Variants in ATP6V1C2 observed in about 807,000 individuals in gnomAD.
ATP6V1C2 encodes V-type proton ATPase subunit C 2.
In ATP6V1C2, 45 loss-of-function variants were observed where a neutral mutation model predicts 56.8. The ratio of observed to expected loss-of-function variants is 0.79; its 90% CI spans 0.62 to 1.02. The LOEUF is 1.02. Ranked by LOEUF, ATP6V1C2 falls within the 50% of genes least tolerant of loss-of-function variation. The pLI is 0.00. For missense variants in ATP6V1C2, 463 were observed against 519.7 expected (o/e 0.89, Z 1.06); for synonymous variants, 220 against 201.3 (o/e 1.09, Z -0.79).
intron 3 of ATP6V1C2, among the ~76,000 whole-genome samples, chr2:10,740,355 T>C (rs1263638002): frequency 6.6e-6 from 1 of 152,210 alleles, no homozygotes. Flanking sequence ...CTCCTATTTG[T>C]GTGACTGCGC....
chr2:10,754,183 C>G (rs1442099342), intron 4 of ATP6V1C2, 117 bp downstream of exon 4: 6 of 753,350 alleles, frequency 8.0e-6, no homozygotes, highest in Non-Finnish European at 1.1e-5. Context: ...AGTGGATGCT[C>G]TGGATTGACA....
At chr2:10,782,051 G>A (rs866089752) in intron 12 of ATP6V1C2, among the ~76,000 whole-genome samples, 192 bp from the exon 13 acceptor site, 110 of 152,298 alleles carry the variant, frequency 7.2e-4, no homozygotes, top group African/African-American at 2.6e-3. Context: ...TATCAGAAGG[G>A]GGTTAGCAAA....
chr2:10,738,831 G>A (rs1212123597), intron 3 of ATP6V1C2, among the ~76,000 whole-genome samples: 1 of 152,126 alleles, frequency 6.6e-6, no homozygotes, highest in African/African-American at 2.4e-5. Context: ...GACAGTCTGG[G>A]CACCAGCTCC....
chr2:10,754,552 CT>C (rs1448285108), intron 4 of ATP6V1C2, among the ~76,000 whole-genome samples: 1 of 406 alleles, frequency 2.5e-3, no homozygotes, highest in African/African-American at 5.6e-3. Flanking sequence ...ATTTTCTTTT[CT>C]TTTCTTTTCT....
At chr2:10,782,692 A>G (rs1665444807) in intron 13 of ATP6V1C2, among the ~76,000 whole-genome samples, 1 of 151,918 alleles carries the variant, frequency 6.6e-6, no homozygotes, top group Non-Finnish European at 1.5e-5. Context: ...TTAGCTGGGT[A>G]TGGTGGTGTG....
chr2:10,754,927 G>T (rs1292965110), intron 4 of ATP6V1C2, among the ~76,000 whole-genome samples: 1 of 151,824 alleles, frequency 6.6e-6, no homozygotes, highest in African/African-American at 2.4e-5. Flanking sequence ...GAGTGCAGTG[G>T]TGTGATCATA....
intron 2 of ATP6V1C2, among the ~76,000 whole-genome samples, chr2:10,726,168 G>A (rs1304950072): frequency 6.6e-6 from 1 of 152,170 alleles, no homozygotes; most frequent in Non-Finnish European, 1.5e-5. Flanking sequence ...TTGCTTTCTG[G>A]TGTATCTCTT....
At position 10,785,034 on chromosome 2, in the gene ATP6V1C2, A is replaced by G; in HGVS notation, c.*1771A>G. On this transcript the variant is annotated 3_prime_UTR_variant, in exon 14 of 14. Coordinates refer to ENST00000272238, the MANE Select transcript of ATP6V1C2 (RefSeq NM_001039362.2). The stretch of plus-strand genomic sequence containing the variant: ...GCCACGCCCAAAAGAGAGCTCCCTT[A>G]GGGAAAAATGACCAAAACACACACA... The G allele has an allele frequency of 6.4e-7, 1 of 1,564,826 alleles. No individual in the cohort carries two copies. The highest frequency in any genetic ancestry group is 8.7e-7 in the Non-Finnish European group (1 of 1,152,054).
intron 4 of ATP6V1C2, among the ~76,000 whole-genome samples, chr2:10,759,928 A>G (rs1663799802): frequency 6.6e-6 from 1 of 152,018 alleles, no homozygotes; most frequent in Non-Finnish European, 1.5e-5. Context: ...CAAAAGCCCT[A>G]GTTCCTACCA....
Position 10,764,382 on chromosome 2 carries a change from C to T in ATP6V1C2, c.335C>T (p.Pro112Leu), listed in dbSNP as rs748897849. 4 of 1,614,164 alleles carry T rather than the reference C, an allele frequency of 2.5e-6. No individual in the cohort carries two copies. Among genetic ancestry groups the T allele is most frequent in the South Asian group, 1.1e-5 (1 of 91,088 alleles). ...TTTGAATGGGACATGGCCAAATATC[C>T]TGTCAAGCAGCCGCTCGTGAGTGTG... ...THFEWDMAKY[P>L]VKQPLVSVVD... Residue 112 changes from proline to leucine, a missense_variant, in exon 5 of 14, where the codon CCT becomes CTT. Pro to Leu is a moderately conservative substitution (Grantham distance 98, BLOSUM62 -3). Coordinates refer to ENST00000272238, the MANE Select transcript of ATP6V1C2 (RefSeq NM_001039362.2).
In ATP6V1C2 at chr2:10,763,584, C is replaced by A. The variant is rs181414754; in HGVS notation, c.284-747C>A. Among the ~76,000 whole-genome samples the A allele has an allele frequency of 2.1e-3, 313 of 152,296 alleles. 1 individual carries two copies. The highest frequency in any genetic ancestry group is 6.8e-3 in the Middle Eastern group (2 of 294). On this transcript the variant is annotated intron_variant, in intron 4 of 13. Coordinates refer to ENST00000272238, the MANE Select transcript of ATP6V1C2 (RefSeq NM_001039362.2). The surrounding 1 kb of genome is among the most constrained non-coding windows in gnomAD (Gnocchi z 4.2). Reference sequence around the variant, plus strand: ...CTGGGACATCCGCCATGGGAAGGGCCCTCTGCCAGGGGCACAGGAATTCCA... The same window carrying A: ...CTGGGACATCCGCCATGGGAAGGGCACTCTGCCAGGGGCACAGGAATTCCA...
At chr2:10,783,149 A>G in intron 13 of ATP6V1C2, 25 bp from the exon 14 acceptor site, 1 of 1,571,256 alleles carries the variant, frequency 6.4e-7, no homozygotes, top group Non-Finnish European at 8.8e-7. Context: ...ATGCACTTAG[A>G]GCATTACCAT....
intron 3 of ATP6V1C2, among the ~76,000 whole-genome samples, chr2:10,740,160 T>C (rs886716692): frequency 2.6e-5 from 4 of 151,852 alleles, no homozygotes; most frequent in African/African-American, 9.7e-5. Flanking sequence ...TATAGACATA[T>C]TGAAAGCTGT....
intron 3 of ATP6V1C2, among the ~76,000 whole-genome samples, chr2:10,736,164 C>T (rs1558390766): frequency 2.0e-5 from 3 of 152,140 alleles, no homozygotes; most frequent in Admixed American, 6.5e-5. Flanking sequence ...TGCATTTCTA[C>T]GAGTTCCCAG....
chr2:10,769,588 T>C (rs13011300), intron 6 of ATP6V1C2, among the ~76,000 whole-genome samples: 30,297 of 152,064 alleles, frequency 0.2, 3,707 homozygotes, highest in East Asian at 0.29. Context: ...TCTGTACTTC[T>C]AGCTACTTGG....
chr2:10,776,007 C>T (rs1322932855), intron 10 of ATP6V1C2, among the ~76,000 whole-genome samples: 2 of 152,142 alleles, frequency 1.3e-5, no homozygotes, highest in Non-Finnish European at 2.9e-5. Flanking sequence ...GGAGTGCTCC[C>T]AGTGTCCGTG....
intron 4 of ATP6V1C2, among the ~76,000 whole-genome samples, chr2:10,760,023 GTTTTTTGTTTTTT>G (rs1663808532): frequency 1.3e-5 from 1 of 77,882 alleles, no homozygotes; most frequent in Admixed American, 1.5e-4. Context: ...GCAGTTTTTT[GTTTTTTGTTTTTT>G]TTTTTTTTGC....
intron 3 of ATP6V1C2, among the ~76,000 whole-genome samples, chr2:10,741,521 G>C (rs1198163261): frequency 1.3e-5 from 2 of 152,136 alleles, no homozygotes; most frequent in East Asian, 3.9e-4. Flanking sequence ...GGCTAGGGCA[G>C]GTGGCCCCTC....
At position 10,784,177 on chromosome 2, in the gene ATP6V1C2, T is replaced by G; in HGVS notation, c.*914T>G. 1 of 1,018,536 alleles carries G rather than the reference T, an allele frequency of 9.8e-7. No individual in the cohort carries two copies. Among genetic ancestry groups the G allele is most frequent in the Non-Finnish European group, 1.5e-6 (1 of 671,002 alleles). 63.1% of individuals were successfully genotyped at this position (1,018,536 alleles called of 1,614,324 possible). A position where few individuals can be genotyped will look rare whatever the true frequency, so the allele number is the denominator to read the frequency against. ...AAGGCCACTGGTAGAGTCATCTGAG[T>G]GTAGAGAATGTCCCTTCACTGCTGG... On this transcript the variant is annotated 3_prime_UTR_variant, in exon 14 of 14. Coordinates refer to ENST00000272238, the MANE Select transcript of ATP6V1C2 (RefSeq NM_001039362.2).
Sources: gnomAD v4.1 joint callset for allele counts (sites outside exome capture counted in the v4.1 genomes callset) on GRCh38, gnomAD v4.1.1 for gene constraint, Gnocchi (gnomAD v3.1) non-coding constraint, MANE v1.5 for transcripts, NCBI Gene and HGNC (gene_info 2026-07-23, HGNC 2026-07-21) for gene names.